The following LRRFIP2 variants were observed in gnomAD, a reference collection of about 807,000 sequenced individuals.
LRRFIP2 encodes LRR binding FLII interacting protein 2, also known as leucine-rich repeat flightless-interacting protein 2.
LRRFIP2 carries 109 observed loss-of-function variants against 125.9 expected under a neutral mutation model. The observed-to-expected ratio is 0.87, with a 90% confidence interval of 0.74 to 1.01. LRRFIP2 has a LOEUF of 1.01. LRRFIP2 is among the 50% of genes least tolerant of loss of function. LRRFIP2 has a pLI of 0.00. For synonymous variants in LRRFIP2, 291 were observed against 293.1 expected (o/e 0.99, Z 0.07); for missense variants, 850 against 862.3 (o/e 0.99, Z 0.18).
chr3:37,140,586 C>G (rs1471676648), intron 2 of LRRFIP2, among the ~76,000 whole-genome samples: 1 of 151,260 alleles, frequency 6.6e-6, no homozygotes, highest in African/African-American at 2.4e-5. Flanking sequence ...CAAAAATTAG[C>G]CGGGCGTGGT....
chr3:37,118,919 A>G (rs2094906654), intron 6 of LRRFIP2, among the ~76,000 whole-genome samples: 2 of 152,256 alleles, frequency 1.3e-5, no homozygotes, highest in African/African-American at 4.8e-5. Context: ...CCATCTACAG[A>G]GGACAAAAGT....
intron 20 of LRRFIP2, 127 bp from the exon 21 acceptor site, chr3:37,073,009 G>T: frequency 1.7e-6 from 1 of 581,692 alleles, no homozygotes; most frequent in Non-Finnish European, 3.0e-6. Context: ...GTGATGAACA[G>T]GAAAAGCAAA....
At chr3:37,173,700 A>C (rs2096617381) in intron 1 of LRRFIP2, among the ~76,000 whole-genome samples, 1 of 152,164 alleles carries the variant, frequency 6.6e-6, no homozygotes, top group Non-Finnish European at 1.5e-5. Context: ...ACACTGCAAG[A>C]ATTATTTTTT....
chr3:37,084,164 T>C, intron 18 of LRRFIP2, among the ~76,000 whole-genome samples: 1 of 152,182 alleles, frequency 6.6e-6, no homozygotes. Flanking sequence ...AACAGACTGG[T>C]GTTCAGAACG....
rs1425590340 is a variant in LRRFIP2, at chr3:37,112,986, A to C, written c.373-6T>G. 9 of 1,546,464 alleles carry C rather than the reference A, an allele frequency of 5.8e-6. No individual in the cohort carries two copies. The highest frequency in any genetic ancestry group is 8.0e-6 in the Non-Finnish European group (9 of 1,128,506). ...GAGTGACTGTAAGAATGATTCTGGA[A>C]GTAAATATTCCAAGTTAACTTCAAT... On this transcript the variant is annotated splice_polypyrimidine_tract_variant and splice_region_variant and intron_variant, in intron 7 of 27. Coordinates refer to ENST00000336686, the MANE Select transcript of LRRFIP2 (RefSeq NM_006309.4).
chr3:37,057,659 G>T (rs1199452266), intron 25 of LRRFIP2, among the ~76,000 whole-genome samples: 1 of 151,834 alleles, frequency 6.6e-6, no homozygotes, highest in South Asian at 2.1e-4. Context: ...GGGCCACCAC[G>T]CCTGGCCCCA....
At chr3:37,081,301 G>A (rs1389113168) in intron 19 of LRRFIP2, among the ~76,000 whole-genome samples, 1 of 152,112 alleles carries the variant, frequency 6.6e-6, no homozygotes, top group Admixed American at 6.6e-5. Flanking sequence ...TGTAATTCCA[G>A]GAGGAGGCAC....
At chr3:37,159,935 C>T (rs146907328) in intron 1 of LRRFIP2, among the ~76,000 whole-genome samples, 2,468 of 127,708 alleles carry the variant, frequency 0.019, 76 homozygotes, top group African/African-American at 0.067. Flanking sequence ...GTCCCAGCTA[C>T]TTGCAGGGCT....
intron 2 of LRRFIP2, among the ~76,000 whole-genome samples, chr3:37,135,954 G>A (rs955559440): frequency 3.3e-5 from 5 of 152,182 alleles, no homozygotes; most frequent in African/African-American, 4.8e-5. Flanking sequence ...TAAGAGAAAC[G>A]AGAACATATA....
intron 21 of LRRFIP2, among the ~76,000 whole-genome samples, chr3:37,071,819 A>C (rs1366847235): frequency 6.6e-6 from 1 of 152,170 alleles, no homozygotes; most frequent in East Asian, 1.9e-4. Context: ...CCTACTGTAG[A>C]ACAGAGAGCT....
chr3:37,135,328 G>T (rs535995373), intron 2 of LRRFIP2, among the ~76,000 whole-genome samples: 1 of 151,760 alleles, frequency 6.6e-6, no homozygotes, highest in Non-Finnish European at 1.5e-5. Flanking sequence ...GCATGGTGGC[G>T]TGAACCTGTA....
chr3:37,123,314 A>G (rs963582525), intron 4 of LRRFIP2, among the ~76,000 whole-genome samples: 1 of 152,004 alleles, frequency 6.6e-6, no homozygotes, highest in Non-Finnish European at 1.5e-5. Flanking sequence ...TTGGCCCCCT[A>G]CTAAGTAGCT....
At chr3:37,122,961 G>A (rs2095116915) in intron 4 of LRRFIP2, among the ~76,000 whole-genome samples, 2 of 152,202 alleles carry the variant, frequency 1.3e-5, no homozygotes, top group Admixed American at 6.5e-5. Flanking sequence ...TGTGCTGACT[G>A]AAAATCTATA....
At chr3:37,126,555 G>C (rs556939257) in intron 4 of LRRFIP2, among the ~76,000 whole-genome samples, 3 of 150,772 alleles carry the variant, frequency 2.0e-5, no homozygotes, top group Non-Finnish European at 4.4e-5. Context: ...ATTTCACAGA[G>C]GTTTAAAAAA....
At chr3:37,105,374 A>G in intron 14 of LRRFIP2, 81 bp downstream of exon 14, 1 of 1,171,852 alleles carries the variant, frequency 8.5e-7, no homozygotes, top group South Asian at 1.3e-5. Context: ...TGCAAACTTC[A>G]CTTTCCAACA....
chr3:37,161,075 G>A (rs2096325911), intron 1 of LRRFIP2, among the ~76,000 whole-genome samples: 1 of 151,162 alleles, frequency 6.6e-6, no homozygotes, highest in East Asian at 1.9e-4. Flanking sequence ...CTGACATGAT[G>A]GCTCACGCCT....
chr3:37,086,745 T>C (rs2093073334), intron 18 of LRRFIP2, among the ~76,000 whole-genome samples: 1 of 152,218 alleles, frequency 6.6e-6, no homozygotes, highest in Admixed American at 6.5e-5. Flanking sequence ...GTTGTGGTGC[T>C]AGTTGCACAA....
intron 1 of LRRFIP2, among the ~76,000 whole-genome samples, chr3:37,156,154 C>T (rs1413447448): frequency 2.0e-5 from 3 of 152,094 alleles, no homozygotes; most frequent in Non-Finnish European, 2.9e-5. Context: ...GGATTACAGA[C>T]GAAAGCCACC....
At chr3:37,100,083 C>G (rs1353418993) in intron 15 of LRRFIP2, among the ~76,000 whole-genome samples, 3 of 152,038 alleles carry the variant, frequency 2.0e-5, no homozygotes, top group Non-Finnish European at 2.9e-5. Context: ...AAAAGAAATA[C>G]TACTAGAGAA....
Sources: gnomAD v4.1 joint callset for allele counts (sites outside exome capture counted in the v4.1 genomes callset) on GRCh38, gnomAD v4.1.1 for gene constraint, MANE v1.5 for transcripts, NCBI Gene and HGNC (gene_info 2026-07-23, HGNC 2026-07-21) for gene names.